Variants in HPSE2 observed in about 807,000 individuals in gnomAD.
HPSE2 encodes heparanase 2 (inactive).
A neutral mutation model predicts 60.5 loss-of-function variants in HPSE2; 38 were observed. The ratio of observed to expected loss-of-function variants is 0.63; its 90% CI spans 0.48 to 0.82. The LOEUF (loss-of-function observed/expected upper bound fraction) is 0.82, where lower values mean the gene tolerates loss of function less well. HPSE2 is among the 40% of genes least tolerant of loss of function. HPSE2 has a pLI of 0.00. For synonymous variants in HPSE2, 295 were observed against 293.2 expected, an observed-to-expected ratio of 1.01 and a Z score of -0.06; for missense variants, 713 against 740.4, an observed-to-expected ratio of 0.96 and a Z score of 0.43.
chr10:98,485,826 T>C (rs1406999126), intron 10 of HPSE2, among the ~76,000 whole-genome samples: 1 of 151,986 alleles, frequency 6.6e-6, no homozygotes, highest in Non-Finnish European at 1.5e-5. Flanking sequence ...GAGAGCCACA[T>C]GCTTGCATTT....
At chr10:98,569,160 T>A (rs1208985060) in intron 9 of HPSE2, among the ~76,000 whole-genome samples, 2 of 150,750 alleles carry the variant, frequency 1.3e-5, no homozygotes, top group African/African-American at 4.9e-5. Flanking sequence ...ACCTCCTGGG[T>A]TCAAGCGATT....
chr10:98,973,713 T>C (rs1589447027), intron 3 of HPSE2, among the ~76,000 whole-genome samples: 1 of 152,148 alleles, frequency 6.6e-6, no homozygotes, highest in Non-Finnish European at 1.5e-5. Context: ...AGAACAAGAA[T>C]ATAGCATTTT....
intron 9 of HPSE2, among the ~76,000 whole-genome samples, chr10:98,512,352 C>T (rs899836562): frequency 4.6e-5 from 7 of 152,140 alleles, no homozygotes; most frequent in Admixed American, 1.3e-4. Flanking sequence ...GAGGCCGAGG[C>T]GGGCGGATCA....
intron 9 of HPSE2, among the ~76,000 whole-genome samples, chr10:98,548,692 T>C (rs868631828): frequency 4.6e-5 from 7 of 152,134 alleles, no homozygotes; most frequent in Middle Eastern, 3.4e-3. Context: ...AGTGCTGACA[T>C]AGGCATTCCA....
intron 2 of HPSE2, among the ~76,000 whole-genome samples, chr10:99,169,615 C>A (rs943578091): frequency 7.0e-6 from 1 of 143,440 alleles, no homozygotes; most frequent in Non-Finnish European, 1.5e-5. Context: ...TGTTCTCTTT[C>A]ACAAAGGAGA....
At chr10:98,858,440 G>A (rs544538418) in intron 3 of HPSE2, among the ~76,000 whole-genome samples, 92 of 152,250 alleles carry the variant, frequency 6.0e-4, no homozygotes, top group Non-Finnish European at 9.6e-4. Context: ...TTGGGCAATA[G>A]GAAATTCATT....
At chr10:98,791,093 T>A (rs1950645498) in intron 3 of HPSE2, among the ~76,000 whole-genome samples, 1 of 152,204 alleles carries the variant, frequency 6.6e-6, no homozygotes, top group Non-Finnish European at 1.5e-5. Context: ...TTTTTTATTG[T>A]TATAGAACAA....
chr10:98,600,957 A>AGT (rs1421255958), intron 9 of HPSE2, among the ~76,000 whole-genome samples: 1 of 24,624 alleles, frequency 4.1e-5, no homozygotes, highest in Non-Finnish European at 1.7e-4. Context: ...AGAGAAAGAG[A>AGT]GTGAGAGAGA....
At chr10:98,652,066 C>T (rs774587869) in intron 6 of HPSE2, among the ~76,000 whole-genome samples, 4 of 152,052 alleles carry the variant, frequency 2.6e-5, no homozygotes, top group Admixed American at 6.5e-5. Context: ...CCACCACGCT[C>T]GGCCAGAAAT....
chr10:99,156,438 G>A (rs1846564276), intron 2 of HPSE2, among the ~76,000 whole-genome samples: 1 of 137,444 alleles, frequency 7.3e-6, no homozygotes, highest in Admixed American at 7.6e-5. Context: ...ATGCAAGGCT[G>A]GTTCAATATA....
At chr10:98,768,998 G>A (rs965785482) in intron 3 of HPSE2, among the ~76,000 whole-genome samples, 3 of 152,160 alleles carry the variant, frequency 2.0e-5, no homozygotes, top group African/African-American at 7.2e-5. Flanking sequence ...AGTGAAGGGA[G>A]ATCGCGCCAC....
intron 7 of HPSE2, among the ~76,000 whole-genome samples, chr10:98,630,037 G>A (rs1193875528): frequency 1.3e-5 from 2 of 152,100 alleles, no homozygotes; most frequent in Non-Finnish European, 2.9e-5. Context: ...CACAGGATAA[G>A]ATGCTAACTG....
At chr10:99,211,065 T>G (rs992035622) in intron 2 of HPSE2, among the ~76,000 whole-genome samples, 10 of 152,138 alleles carry the variant, frequency 6.6e-5, no homozygotes, top group African/African-American at 2.4e-4. Flanking sequence ...TTCAGTAAAG[T>G]TGCAGGGTAC....
rs1954766120 is a variant in HPSE2, at chr10:98,935,627, AGCAAAGATTGCT to A, written c.611-191583_611-191572del. Among the ~76,000 whole-genome samples, 3 of 144,484 alleles carry A rather than the reference AGCAAAGATTGCT, an allele frequency of 2.1e-5. No homozygotes were observed. In the South Asian group the frequency reaches 6.3e-4, roughly 30 times the overall value. The allele number at this position is 144,484 out of a possible 152,430, so 94.8% of individuals were successfully genotyped here. A position where few individuals can be genotyped will look rare whatever the true frequency, so the allele number is the denominator to read the frequency against. On this transcript the variant is annotated intron_variant, in intron 3 of 11. Transcript: ENST00000370552. Reference sequence around the variant, plus strand: ...GTATCACCAGTGAAGATTGCAGAACAGCAAAGATTGCTGCCGGCTCCTTCCTCTGGAAGCTTC... The same window carrying A: ...GTATCACCAGTGAAGATTGCAGAACAGCCGGCTCCTTCCTCTGGAAGCTTC...
intron 9 of HPSE2, among the ~76,000 whole-genome samples, chr10:98,536,576 C>A (rs1264146286): frequency 1.3e-5 from 2 of 152,140 alleles, no homozygotes; most frequent in African/African-American, 4.8e-5. Flanking sequence ...TCATGTTTGC[C>A]ATCTAAGGCC....
In HPSE2 at chr10:98,924,257, G is replaced by T. The variant is rs75197582; in HGVS notation, c.611-180201C>A. ...TCTCTGTGCCGAACCACCTGGAACT[G>T]GGGGGTGTAGTGATGCAATCACCCC... On this transcript the variant is annotated intron_variant, in intron 3 of 11. Transcript: ENST00000370552. Among the ~76,000 whole-genome samples, 13 of 152,276 alleles carry T rather than the reference G, an allele frequency of 8.5e-5. No homozygotes were observed. The East Asian group carries it at 2.5e-3, about 30-fold the overall frequency.
chr10:98,725,036 T>C (rs1304620538), intron 4 of HPSE2, among the ~76,000 whole-genome samples: 1 of 152,154 alleles, frequency 6.6e-6, no homozygotes, highest in Non-Finnish European at 1.5e-5. Context: ...GTAGGAAGAA[T>C]GAATATCGTG....
intron 2 of HPSE2, among the ~76,000 whole-genome samples, chr10:99,159,103 A>G (rs569173488): frequency 1.3e-5 from 2 of 152,272 alleles, no homozygotes; most frequent in South Asian, 4.1e-4. Context: ...TCGCACTTAC[A>G]AACTAGAAAA....
intron 3 of HPSE2, among the ~76,000 whole-genome samples, chr10:98,938,005 C>T (rs1589393865): frequency 1.4e-5 from 2 of 143,676 alleles, no homozygotes; most frequent in East Asian, 3.9e-4. Context: ...CTAGCAAACT[C>T]CAACAGACCT....
Sources: gnomAD v4.1 joint callset for allele counts (sites outside exome capture counted in the v4.1 genomes callset) on GRCh38, gnomAD v4.1.1 for gene constraint, MANE v1.5 for transcripts, NCBI Gene and HGNC (gene_info 2026-07-23, HGNC 2026-07-21) for gene names.